Variants in CARS1 observed in about 807,000 individuals in gnomAD.
CARS1 encodes the protein cysteinyl-tRNA synthetase 1.
CARS1 carries 48 observed loss-of-function variants against 106.2 expected under a neutral mutation model. The ratio of observed to expected loss-of-function variants is 0.45; its 90% CI spans 0.36 to 0.57. The LOEUF (loss-of-function observed/expected upper bound fraction) is 0.57, where lower values mean the gene tolerates loss of function less well. Ranked by LOEUF, CARS1 falls within the 20% of genes least tolerant of loss-of-function variation. CARS1 has a pLI of 0.00. For missense variants in CARS1, 968 were observed against 1,057.2 expected (o/e 0.92, Z 1.17); for synonymous variants, 409 against 403.4 (o/e 1.01, Z -0.17).
rs1196999252 is a variant in CARS1, at chr11:3,039,532, GC to G, written c.553-241del. ...ACGCTTAATGAAATGAGCCCTGGGG[GC>G]CCCAGCTTCCCCTGCAAGCCACATG... On this transcript the variant is annotated intron_variant, in intron 5 of 22. Coordinates refer to ENST00000380525, the MANE Select transcript of CARS1 (RefSeq NM_001014437.3). This position sits in a 1 kb window ranked among gnomAD's most constrained non-coding sequence, Gnocchi z 5.6. 6.6e-6 allele frequency among the ~76,000 whole-genome samples: 1 copy of G among 152,146 alleles called. No individual in the cohort carries two copies. The highest frequency in any genetic ancestry group is 1.5e-5 in the Non-Finnish European group (1 of 68,032).
At chr11:3,033,400 G>A (rs1273782415) in intron 7 of CARS1, among the ~76,000 whole-genome samples, 4 of 152,002 alleles carry the variant, frequency 2.6e-5, no homozygotes, top group Non-Finnish European at 4.4e-5. Flanking sequence ...AGTTATAAGC[G>A]AATAACAATA....
chr11:3,006,098 C>T (rs1401637041), intron 19 of CARS1, among the ~76,000 whole-genome samples: 1 of 152,186 alleles, frequency 6.6e-6, no homozygotes, highest in Non-Finnish European at 1.5e-5. Flanking sequence ...ATCATAGTAC[C>T]TCATACGCAT....
At chr11:3,047,721 C>A in intron 2 of CARS1, 32 bp downstream of exon 2, 1 of 1,583,416 alleles carries the variant, frequency 6.3e-7, no homozygotes, top group South Asian at 1.1e-5. Context: ...GAGAGAGGTT[C>A]TAATGGCCAG....
rs1854459115 is a variant in CARS1 at position 3,041,590 on chromosome 11, G to C, written c.366+575C>G. On this transcript the variant is annotated intron_variant, in intron 3 of 22. Transcript: ENST00000380525. This position sits in a 1 kb window ranked among gnomAD's most constrained non-coding sequence, Gnocchi z 4.9. Reference sequence around the variant, plus strand: ...GAAGGCCATGAACTCCCTCACACCTGACTCTCTGTCTGCCAAACATGCTCC... The same window carrying C: ...GAAGGCCATGAACTCCCTCACACCTCACTCTCTGTCTGCCAAACATGCTCC... Among the ~76,000 whole-genome samples the C allele has an allele frequency of 6.6e-6, 1 of 152,048 alleles. No homozygotes were observed. The highest frequency in any genetic ancestry group is 1.5e-5 in the Non-Finnish European group (1 of 68,010).
chr11:3,026,402 C>G (rs1286577591), intron 10 of CARS1, among the ~76,000 whole-genome samples: 1 of 152,172 alleles, frequency 6.6e-6, no homozygotes, highest in Non-Finnish European at 1.5e-5. Context: ...CCTAACTACC[C>G]CGATCATCAC....
chr11:3,012,143 G>C, intron 18 of CARS1, 52 bp downstream of exon 18: 1 of 1,510,456 alleles, frequency 6.6e-7, no homozygotes, highest in African/African-American at 1.4e-5. Flanking sequence ...CCGGTCCGGG[G>C]AGCCCAGTGA....
intron 19 of CARS1, 108 bp downstream of exon 19, chr11:3,006,771 G>C: frequency 2.2e-6 from 2 of 910,926 alleles, no homozygotes; most frequent in South Asian, 2.8e-5. Flanking sequence ...TTGGGATTCT[G>C]CATCAGCAAT....
Position 3,029,327 on chromosome 11 carries a change from G to C in CARS1, c.918C>G (p.Phe306Leu). The change falls in exon 8 of 23, where the codon TTC becomes TTG. Residue 306 changes from phenylalanine (F) to leucine (L), a missense_variant. By Grantham distance (22) the Phe-to-Leu change is conservative (BLOSUM62 0). Coordinates refer to ENST00000380525, the MANE Select transcript of CARS1 (RefSeq NM_001014437.3). This position sits in a 1 kb window ranked among gnomAD's most constrained non-coding sequence, Gnocchi z 5.9. The part of the protein sequence containing the change: ...SKLPKFWEGD[F>L]HRDMEALNVL... ...CATTCAGAGCTTCCATGTCTCTGTG[G>C]AAGTCCCCCTCCCAGAACTTGGGCA... 6.2e-7 allele frequency: 1 copy of C among 1,614,092 alleles called. No individual in the cohort carries two copies. Among genetic ancestry groups the C allele is most frequent in the Non-Finnish European group, 8.5e-7 (1 of 1,179,950 alleles).
chr11:3,014,097 C>G (rs1357570271), intron 17 of CARS1, among the ~76,000 whole-genome samples: 1 of 152,208 alleles, frequency 6.6e-6, no homozygotes, highest in South Asian at 2.1e-4. Flanking sequence ...ACCCACCACA[C>G]AGCCAGCCCA....
chr11:3,001,337 C>G (rs1378605629), intron 22 of CARS1, 89 bp from the exon 23 acceptor site: 1 of 1,484,908 alleles, frequency 6.7e-7, no homozygotes, highest in Non-Finnish European at 9.2e-7. Context: ...CTCAAAGTGT[C>G]TATCTCCCTG....
intron 9 of CARS1, chr11:3,027,513 A>C (rs1300417640): frequency 5.5e-6 from 1 of 180,214 alleles, no homozygotes; most frequent in Admixed American, 5.5e-5. Flanking sequence ...AGTATAATAA[A>C]ATATAAAATA....
At position 3,029,527 on chromosome 11, in the gene CARS1, T is replaced by A; in HGVS notation, c.802-84A>T. On this transcript the variant is annotated intron_variant, in intron 7 of 22. Coordinates refer to ENST00000380525, the MANE Select transcript of CARS1 (RefSeq NM_001014437.3). The surrounding 1 kb of genome is among the most constrained non-coding windows in gnomAD (Gnocchi z 5.9). ...CGTGCAGCTGGTGTGAGCCCATCAG[T>A]GCCCTGAATTCAAAGGTGCTGACCT... 6 of 1,478,356 alleles carry A rather than the reference T, an allele frequency of 4.1e-6. No individual in the cohort carries two copies. Among genetic ancestry groups the A allele is most frequent in the Non-Finnish European group, 1.8e-6 (2 of 1,084,686 alleles). 91.6% of individuals were successfully genotyped at this position (1,478,356 alleles called of 1,614,324 possible).
At chr11:3,042,764 G>A (rs1854649019) in intron 2 of CARS1, among the ~76,000 whole-genome samples, 1 of 152,180 alleles carries the variant, frequency 6.6e-6, no homozygotes, top group African/African-American at 2.4e-5. Flanking sequence ...CCCCACCCAG[G>A]ATCCCTCACC....
chr11:3,018,998 T>C lies in CARS1; in HGVS notation c.1395+141A>G. The C allele has an allele frequency of 5.4e-6, 6 of 1,108,654 alleles. No individual in the cohort carries two copies. The Admixed American group carries it at 9.5e-5, about 18-fold the overall frequency. The allele number at this position is 1,108,654 out of a possible 1,614,324, so 68.7% of individuals were successfully genotyped here. ...CGGAAACCACACTAAATGATCAGGG[T>C]TCAGATTCCACCCACAAGCCCCGAT... On this transcript the variant is annotated intron_variant, in intron 12 of 22. Transcript: ENST00000380525.
intron 1 of CARS1, among the ~76,000 whole-genome samples, chr11:3,049,594 G>A (rs1855453589): frequency 1.3e-5 from 2 of 152,230 alleles, no homozygotes; most frequent in South Asian, 4.1e-4. Context: ...TGTGGGAAAA[G>A]GACCGATGCT....
At position 3,019,280 on chromosome 11, in the gene CARS1, G is replaced by A. The variant is rs140967069; in HGVS notation, c.1267-13C>T. ...AGCCCGGACGACCCTGGAGAAAGCC[G>A]AACACACAGTGACTGACCAGCCTAC... On this transcript the variant is annotated splice_polypyrimidine_tract_variant and intron_variant, in intron 11 of 22. Transcript: ENST00000380525. The surrounding 1 kb of genome is among the most constrained non-coding windows in gnomAD (Gnocchi z 6.2). 46 of 1,404,790 alleles carry A rather than the reference G, an allele frequency of 3.3e-5. No homozygotes were observed. The highest frequency in any genetic ancestry group is 1.9e-4 in the Admixed American group (7 of 36,952). The allele number at this position is 1,404,790 out of a possible 1,614,324, so 87.0% of individuals were successfully genotyped here.
At chr11:3,056,166 A>G (rs1388609206) in intron 1 of CARS1, among the ~76,000 whole-genome samples, 2 of 152,232 alleles carry the variant, frequency 1.3e-5, no homozygotes, top group African/African-American at 4.8e-5. Flanking sequence ...TCGGGTTGTC[A>G]TAACTACCTA....
chr11:3,047,383 A>C (rs1855206954), intron 2 of CARS1, among the ~76,000 whole-genome samples: 1 of 152,208 alleles, frequency 6.6e-6, no homozygotes, highest in South Asian at 2.1e-4. Flanking sequence ...AATAAAGAGA[A>C]AGAACTGAGT....
intron 16 of CARS1, among the ~76,000 whole-genome samples, chr11:3,016,826 C>T (rs144317151): frequency 1.3e-5 from 2 of 152,280 alleles, no homozygotes; most frequent in African/African-American, 4.8e-5. Context: ...GTTGTCCAGG[C>T]TGGTTTTGAA....
Sources: allele counts gnomAD v4.1 joint callset (sites outside exome capture counted in the v4.1 genomes callset), GRCh38; gene constraint gnomAD v4.1.1; non-coding constraint Gnocchi (gnomAD v3.1); transcripts MANE v1.5; gene names NCBI Gene and HGNC (gene_info 2026-07-23, HGNC 2026-07-21).